ERBB4: variants seen among roughly 807,000 people sequenced by gnomAD.
The protein encoded by ERBB4 is erb-b2 receptor tyrosine kinase 4.
A neutral mutation model predicts 158.0 loss-of-function variants in ERBB4; 42 were observed. That is an observed-to-expected ratio of 0.27 (90% CI 0.21 to 0.34). The LOEUF (loss-of-function observed/expected upper bound fraction) is 0.34. ERBB4 is among the 10% of genes least tolerant of loss of function. The pLI, the probability that ERBB4 is intolerant of heterozygous loss-of-function variation, is 1.00. For missense variants in ERBB4, 1,333 were observed against 1,624.1 expected (o/e 0.82, Z 3.08); for synonymous variants, 583 against 558.7 (o/e 1.04, Z -0.61).
chr2:211,637,287 A>G (rs2070396531), intron 16 of ERBB4, among the ~76,000 whole-genome samples: 1 of 151,960 alleles, frequency 6.6e-6, no homozygotes, highest in African/African-American at 2.4e-5. Context: ...ATTAAAATCA[A>G]ATTCTTATAA....
At chr2:211,596,102 G>A (rs2068622418) in intron 19 of ERBB4, among the ~76,000 whole-genome samples, 2 of 151,898 alleles carry the variant, frequency 1.3e-5, no homozygotes, top group South Asian at 4.2e-4. Flanking sequence ...TGAATGAAAT[G>A]TTTCAATACT....
Position 211,909,207 on chromosome 2 carries a change from C to A in ERBB4, c.421+38223G>T, listed in dbSNP as rs1287688831. ...TTTCAAAGCATACCTTTTCCAGCACCCTTTTTGACAAATATTTCCTGGCAA... is the reference window on the plus strand; with the variant it reads ...TTTCAAAGCATACCTTTTCCAGCACACTTTTTGACAAATATTTCCTGGCAA... On this transcript the variant is annotated intron_variant, in intron 3 of 27. Transcript: ENST00000342788. Among the ~76,000 whole-genome samples the A allele has an allele frequency of 4.6e-5, 7 of 151,694 alleles. No homozygotes were observed. In the South Asian group the frequency reaches 1.2e-3, roughly 27 times the overall value.
At chr2:212,382,775 T>C (rs1047679874) in intron 1 of ERBB4, among the ~76,000 whole-genome samples, 1 of 151,394 alleles carries the variant, frequency 6.6e-6, no homozygotes, top group Non-Finnish European at 1.5e-5. Context: ...GTATCTCACA[T>C]TAATTATAAT....
intron 1 of ERBB4, among the ~76,000 whole-genome samples, chr2:212,409,387 T>G (rs550030872): frequency 6.6e-6 from 1 of 152,294 alleles, no homozygotes; most frequent in South Asian, 2.1e-4. Flanking sequence ...CTTCAATGTT[T>G]TAAAGTCCTT....
chr2:211,522,948 C>T (rs1413762425), intron 20 of ERBB4, among the ~76,000 whole-genome samples: 1 of 151,570 alleles, frequency 6.6e-6, no homozygotes, highest in East Asian at 2.0e-4. Context: ...CCCATAATAT[C>T]GTGGAGGTAC....
intron 1 of ERBB4, among the ~76,000 whole-genome samples, chr2:212,324,650 T>C (rs1197029214): frequency 6.6e-6 from 1 of 150,404 alleles, no homozygotes; most frequent in Non-Finnish European, 1.5e-5. Flanking sequence ...TCTTACTAAA[T>C]CTGATAATTA....
intron 20 of ERBB4, among the ~76,000 whole-genome samples, chr2:211,549,927 C>T (rs978384754): frequency 6.6e-5 from 10 of 152,074 alleles, no homozygotes; most frequent in African/African-American, 2.4e-4. Flanking sequence ...CTAGAAAGAA[C>T]CCTGTCGGGA....
chr2:211,502,838 C>G (rs1481935123), intron 20 of ERBB4, among the ~76,000 whole-genome samples: 1 of 152,060 alleles, frequency 6.6e-6, no homozygotes, highest in Non-Finnish European at 1.5e-5. Context: ...ATAAGAAGAT[C>G]ATTAGGATTA....
chr2:211,627,392 T>C (rs1287257864), intron 17 of ERBB4, among the ~76,000 whole-genome samples: 1 of 152,256 alleles, frequency 6.6e-6, no homozygotes, highest in Non-Finnish European at 1.5e-5. Context: ...GGTTTTCCCA[T>C]GTATGTAATT....
At chr2:212,044,141 C>T (rs936203629) in intron 2 of ERBB4, among the ~76,000 whole-genome samples, 6 of 152,062 alleles carry the variant, frequency 3.9e-5, no homozygotes, top group African/African-American at 1.2e-4. Context: ...TAGTACTACA[C>T]GGTAGTGTCT....
intron 1 of ERBB4, among the ~76,000 whole-genome samples, chr2:212,422,500 A>AAC (rs56308920): frequency 0.34 from 50,555 of 148,446 alleles, 9,511 homozygotes; most frequent in Non-Finnish European, 0.46. Flanking sequence ...TTGGACTCAA[A>AAC]ACACACACAC....
At position 211,376,527 on chromosome 2, in the gene ERBB4, C is replaced by T. The variant is rs557700313; in HGVS notation, c.*7088G>A. 1.7e-5 allele frequency: 4 copies of T among 232,594 alleles called. No individual in the cohort carries two copies. In the East Asian group the frequency reaches 2.4e-4, roughly 14 times the overall value. 14.4% of individuals were successfully genotyped at this position (232,594 alleles called of 1,614,324 possible). On this transcript the variant is annotated 3_prime_UTR_variant, in exon 28 of 28. Transcript: ENST00000342788. ...GCTTACCAGCAAGGTATTTTTGCACCCCAATCCTTTGAAGATACTTCACAA... is the reference window on the plus strand; with the variant it reads ...GCTTACCAGCAAGGTATTTTTGCACTCCAATCCTTTGAAGATACTTCACAA...
chr2:211,580,866 C>CAT (rs56892079), intron 19 of ERBB4, among the ~76,000 whole-genome samples: 49 of 64,136 alleles, frequency 7.6e-4, no homozygotes, highest in South Asian at 9.8e-4. Flanking sequence ...TATGCATATA[C>CAT]ATATATATAT....
chr2:212,138,538 C>T (rs184581554), intron 1 of ERBB4, among the ~76,000 whole-genome samples: 33 of 152,258 alleles, frequency 2.2e-4, no homozygotes, highest in African/African-American at 7.5e-4. Context: ...CAGACCCTCA[C>T]CAGATGCAGC....
chr2:212,149,282 C>T (rs1224614970), intron 1 of ERBB4, among the ~76,000 whole-genome samples: 1 of 152,038 alleles, frequency 6.6e-6, no homozygotes, highest in Non-Finnish European at 1.5e-5. Context: ...CCTCCAATTG[C>T]TGCCTGGAGT....
intron 18 of ERBB4, among the ~76,000 whole-genome samples, chr2:211,623,409 A>G (rs747844199): frequency 2.6e-5 from 4 of 152,138 alleles, no homozygotes; most frequent in Non-Finnish European, 5.9e-5. Flanking sequence ...TAGGCAAAAA[A>G]TGATTTAGAA....
At chr2:212,350,363 T>C (rs2089200146) in intron 1 of ERBB4, among the ~76,000 whole-genome samples, 1 of 152,290 alleles carries the variant, frequency 6.6e-6, no homozygotes, top group South Asian at 2.1e-4. Context: ...AGGTTTTCCC[T>C]CTTTCCCTTA....
chr2:212,159,577 T>G (rs2125645134), intron 1 of ERBB4, among the ~76,000 whole-genome samples: 1 of 151,808 alleles, frequency 6.6e-6, no homozygotes, highest in East Asian at 1.9e-4. Context: ...GCTGTGGGAG[T>G]TGCTGCTTTC....
intron 2 of ERBB4, among the ~76,000 whole-genome samples, chr2:212,054,873 G>A (rs1435477371): frequency 6.6e-6 from 1 of 152,204 alleles, no homozygotes; most frequent in Non-Finnish European, 1.5e-5. Context: ...CCCAGCGTGA[G>A]CAATGCAGAA....
Sources: gnomAD v4.1 joint callset for allele counts (sites outside exome capture counted in the v4.1 genomes callset) on GRCh38, gnomAD v4.1.1 for gene constraint, MANE v1.5 for transcripts, NCBI Gene and HGNC (gene_info 2026-07-23, HGNC 2026-07-21) for gene names.